The following BCAS3 variants were observed in gnomAD, a reference collection of about 807,000 sequenced individuals.
BCAS3 encodes BCAS4/BCAS3 fusion.
BCAS3 carries 53 observed loss-of-function variants against 116.1 expected under a neutral mutation model. The observed-to-expected ratio is 0.46, with a 90% confidence interval of 0.37 to 0.57. The LOEUF is 0.57. BCAS3 is among the 20% of genes least tolerant of loss of function. BCAS3 has a pLI of 0.00. For missense variants in BCAS3, 917 were observed against 1,165.4 expected, an observed-to-expected ratio of 0.79 and a Z score of 3.10; for synonymous variants, 391 against 408.2, an observed-to-expected ratio of 0.96 and a Z score of 0.51.
intron 14 of BCAS3, among the ~76,000 whole-genome samples, chr17:60,952,944 C>T (rs913360886): frequency 6.6e-6 from 1 of 151,730 alleles, no homozygotes; most frequent in East Asian, 1.9e-4. Flanking sequence ...AAGACATGAT[C>T]GCATTCTTTT....
rs2051354693 is a variant in BCAS3, at chr17:61,282,826, T to A, written c.2426-85501T>A. Among the ~76,000 whole-genome samples, 1 of 152,106 alleles carries A rather than the reference T, an allele frequency of 6.6e-6. No homozygotes were observed. Among genetic ancestry groups the A allele is most frequent in the African/African-American group, 2.4e-5 (1 of 41,412 alleles). On this transcript the variant is annotated intron_variant, in intron 22 of 23. Coordinates refer to ENST00000407086, the MANE Select transcript of BCAS3 (RefSeq NM_017679.5). The surrounding 1 kb of genome is among the most constrained non-coding windows in gnomAD (Gnocchi z 5.9). ...GAATTTTAAACATTTTTTATCCAGA[T>A]AATTTTTTCACAGAGGGAAATGCAC... is the stretch of plus-strand genomic sequence containing the variant.
At chr17:61,135,463 C>T (rs1378754003) in intron 22 of BCAS3, among the ~76,000 whole-genome samples, 2 of 152,170 alleles carry the variant, frequency 1.3e-5, no homozygotes, top group African/African-American at 4.8e-5. Flanking sequence ...AATTTAGGCC[C>T]ATGTGCATTT....
intron 7 of BCAS3, among the ~76,000 whole-genome samples, chr17:60,836,961 G>A (rs1459293592): frequency 6.6e-6 from 1 of 152,160 alleles, no homozygotes; most frequent in African/African-American, 2.4e-5. Flanking sequence ...TGATTTGTCT[G>A]TTTGGTGAAG....
At position 61,327,350 on chromosome 17, in the gene BCAS3, A is replaced by G. The variant is rs990657177; in HGVS notation, c.2426-40977A>G. On this transcript the variant is annotated intron_variant, in intron 22 of 23. Coordinates refer to ENST00000407086, the MANE Select transcript of BCAS3 (RefSeq NM_017679.5). The surrounding 1 kb of genome is among the most constrained non-coding windows in gnomAD (Gnocchi z 5.9). ...AAATAAACAAACGTTTAAAAAATCAATTTTAGAGGCAATTGGACTACAGAG... is the reference window on the plus strand; with the variant it reads ...AAATAAACAAACGTTTAAAAAATCAGTTTTAGAGGCAATTGGACTACAGAG... Among the ~76,000 whole-genome samples the G allele has an allele frequency of 1.3e-5, 2 of 152,238 alleles. No individual in the cohort carries two copies. The highest frequency in any genetic ancestry group is 6.5e-5 in the Admixed American group (1 of 15,294).
intron 9 of BCAS3, among the ~76,000 whole-genome samples, chr17:60,875,137 A>C (rs2055473539): frequency 6.6e-6 from 1 of 152,128 alleles, no homozygotes. Context: ...TCATTTAACC[A>C]AAAGGTGAAA....
In BCAS3 at chr17:61,136,928, A is replaced by T. The variant is rs558180292; in HGVS notation, c.2425+52364A>T. ...CCAGACCCTGGTGGGTGCTGAGAAA[A>T]TGTTGAATTATTCAGATAGTTGATT... On this transcript the variant is annotated intron_variant, in intron 22 of 23. Coordinates refer to ENST00000407086, the MANE Select transcript of BCAS3 (RefSeq NM_017679.5). This position sits in a 1 kb window ranked among gnomAD's most constrained non-coding sequence, Gnocchi z 4.4. 6.6e-6 allele frequency among the ~76,000 whole-genome samples: 1 copy of T among 152,320 alleles called. No individual in the cohort carries two copies. The highest frequency in any genetic ancestry group is 1.9e-4 in the East Asian group (1 of 5,186).
chr17:61,026,463 C>G lies in BCAS3; in HGVS notation c.1638-8203C>G, dbSNP rs537713939. Among the ~76,000 whole-genome samples the G allele has an allele frequency of 6.6e-6, 1 of 151,988 alleles. No homozygotes were observed. Among genetic ancestry groups the G allele is most frequent in the African/African-American group, 2.4e-5 (1 of 41,420 alleles). On this transcript the variant is annotated intron_variant, in intron 16 of 23. Coordinates refer to ENST00000407086, the MANE Select transcript of BCAS3 (RefSeq NM_017679.5). The surrounding 1 kb of genome is among the most constrained non-coding windows in gnomAD (Gnocchi z 5.0). ...CATATCAAATTTTTTATCCAGTCAT[C>G]GTTAGCTAATTTTAACCATTTTGTG...
chr17:61,301,255 G>A lies in BCAS3; in HGVS notation c.2426-67072G>A, dbSNP rs148328952. Among the ~76,000 whole-genome samples the A allele has an allele frequency of 6.2e-3, 940 of 152,296 alleles. 9 individuals carry two copies. The highest frequency in any genetic ancestry group is 7.0e-3 in the Non-Finnish European group (477 of 68,028). ...GGCCTCATGTCATATGGCCCTCAGA[G>A]TCTAAAATATTTGCCATCTGGCCCC... On this transcript the variant is annotated intron_variant, in intron 22 of 23. Transcript: ENST00000407086.
At position 60,814,156 on chromosome 17, in the gene BCAS3, A is replaced by C. The variant is rs186513293; in HGVS notation, c.476+6080A>C. On this transcript the variant is annotated intron_variant, in intron 7 of 23. Coordinates refer to ENST00000407086, the MANE Select transcript of BCAS3 (RefSeq NM_017679.5). ...TTAACAATATTTATTCTTCCAATCC[A>C]TGAGCATAGAATGTTTTTCCATTTG... 3.5e-3 allele frequency among the ~76,000 whole-genome samples: 536 copies of C among 152,262 alleles called. 10 individuals carry two copies. The South Asian group carries it at 0.046, about 13-fold the overall frequency.
chr17:61,335,834 T>G (rs921092050), intron 22 of BCAS3, among the ~76,000 whole-genome samples: 6 of 152,258 alleles, frequency 3.9e-5, no homozygotes, highest in African/African-American at 1.4e-4. Flanking sequence ...CTCAGAAATC[T>G]ATAAACTCCA....
rs1444032875 is a variant in BCAS3 at position 61,241,577 on chromosome 17, G to A, written c.2426-126750G>A. Among the ~76,000 whole-genome samples the A allele has an allele frequency of 1.3e-5, 2 of 151,880 alleles. No homozygotes were observed. The highest frequency in any genetic ancestry group is 4.8e-5 in the African/African-American group (2 of 41,350). ...AAAAATTACAAAAAAAAATTAGCCGGCCGTGGTGGCGGGTGCCTGTAGTCC... is the reference window on the plus strand; with the variant it reads ...AAAAATTACAAAAAAAAATTAGCCGACCGTGGTGGCGGGTGCCTGTAGTCC... On this transcript the variant is annotated intron_variant, in intron 22 of 23. Coordinates refer to ENST00000407086, the MANE Select transcript of BCAS3 (RefSeq NM_017679.5). This position sits in a 1 kb window ranked among gnomAD's most constrained non-coding sequence, Gnocchi z 4.6.
chr17:61,051,400 CAT>C lies in BCAS3; in HGVS notation c.2029+10509_2029+10510del, dbSNP rs545405117. On this transcript the variant is annotated intron_variant, in intron 19 of 23. Transcript: ENST00000407086. The surrounding 1 kb of genome is among the most constrained non-coding windows in gnomAD (Gnocchi z 4.1). ...GTAGTGGAGGTTACACCAATTTACA[CAT>C]GTGATAAAATTGAATAGACCCTCAC... 9.7e-4 allele frequency among the ~76,000 whole-genome samples: 145 copies of C among 149,708 alleles called. No individual in the cohort carries two copies. Among genetic ancestry groups the C allele is most frequent in the African/African-American group, 3.2e-3 (132 of 41,350 alleles).
chr17:60,882,259 A>T (rs991051456), intron 9 of BCAS3, among the ~76,000 whole-genome samples: 11 of 151,672 alleles, frequency 7.3e-5, no homozygotes, highest in African/African-American at 1.2e-4. Context: ...GTGTCTGTTC[A>T]TGTCCTTTGC....
At chr17:61,370,537 C>T (rs533702709) in intron 23 of BCAS3, among the ~76,000 whole-genome samples, 11 of 152,200 alleles carry the variant, frequency 7.2e-5, no homozygotes, top group Admixed American at 3.9e-4. Context: ...TACAGGCGCC[C>T]GCTACCACGC....
chr17:60,927,914 C>G (rs1246876046), intron 13 of BCAS3, among the ~76,000 whole-genome samples: 1 of 151,816 alleles, frequency 6.6e-6, no homozygotes, highest in Non-Finnish European at 1.5e-5. Flanking sequence ...TTTTTAAAAT[C>G]TTAAGTATTA....
chr17:61,193,132 C>T (rs1054799133), intron 22 of BCAS3, among the ~76,000 whole-genome samples: 4 of 152,094 alleles, frequency 2.6e-5, no homozygotes, highest in Admixed American at 2.6e-4. Context: ...TGTGGTGGCA[C>T]ATGCCTGTAA....
rs2080934023 is a variant in BCAS3 at position 61,203,113 on chromosome 17, T to C, written c.2425+118549T>C. The stretch of plus-strand genomic sequence containing the variant: ...TATTTATTTATGTGTAGCTCCTAGA[T>C]CTAAAAGGGAATAGTTTTTTCCCCT... On this transcript the variant is annotated intron_variant, in intron 22 of 23. Coordinates refer to ENST00000407086, the MANE Select transcript of BCAS3 (RefSeq NM_017679.5). This position sits in a 1 kb window ranked among gnomAD's most constrained non-coding sequence, Gnocchi z 5.7. Among the ~76,000 whole-genome samples, 1 of 152,196 alleles carries C rather than the reference T, an allele frequency of 6.6e-6. No individual in the cohort carries two copies. Among genetic ancestry groups the C allele is most frequent in the Non-Finnish European group, 1.5e-5 (1 of 68,038 alleles).
intron 14 of BCAS3, among the ~76,000 whole-genome samples, chr17:60,966,432 A>G (rs2145328103): frequency 6.6e-6 from 1 of 152,218 alleles, no homozygotes; most frequent in South Asian, 2.1e-4. Flanking sequence ...TTTCTCTGGT[A>G]TTATGCTGTT....
At chr17:61,046,023 TTA>T (rs1191102224) in intron 19 of BCAS3, among the ~76,000 whole-genome samples, 6 of 11,430 alleles carry the variant, frequency 5.2e-4, no homozygotes, top group African/African-American at 3.4e-3. Flanking sequence ...TATATATATA[TTA>T]TATATATATT....
Sources: gnomAD v4.1 joint callset for allele counts (sites outside exome capture counted in the v4.1 genomes callset) on GRCh38, gnomAD v4.1.1 for gene constraint, Gnocchi (gnomAD v3.1) non-coding constraint, MANE v1.5 for transcripts, NCBI Gene and HGNC (gene_info 2026-07-23, HGNC 2026-07-21) for gene names.